WDR81: variants seen among roughly 807,000 people sequenced by gnomAD.
WDR81 encodes the protein WD repeat domain 81, also known as WD repeat-containing protein 81.
A neutral mutation model predicts 140.8 loss-of-function variants in WDR81; 92 were observed. The ratio of observed to expected loss-of-function variants is 0.65; its 90% CI spans 0.55 to 0.78. The LOEUF is 0.78. Ranked by LOEUF, WDR81 falls within the 30% of genes least tolerant of loss-of-function variation. The pLI, the probability that WDR81 is intolerant of heterozygous loss-of-function variation, is 0.00. For synonymous variants in WDR81, 1,183 were observed against 1,156.4 expected, an observed-to-expected ratio of 1.02 and a Z score of -0.47; for missense variants, 2,502 against 2,636.4, an observed-to-expected ratio of 0.95 and a Z score of 1.12.
Position 1,727,775 on chromosome 17 carries a change from T to G in WDR81, c.2816T>G (p.Val939Gly), listed in dbSNP as rs767912854. ...LSLMSEEHTA[V>G]YTAWYLFEPV... Reference sequence around the variant, plus strand: ...CTCATGTCCGAGGAGCACACAGCTGTGTACACGGCCTGGTATCTGTTTGAG... The same window carrying G: ...CTCATGTCCGAGGAGCACACAGCTGGGTACACGGCCTGGTATCTGTTTGAG... The change falls in exon 1 of 10, where the codon GTG becomes GGG. Residue 939 changes from valine to glycine, a missense_variant. By Grantham distance (109) the Val-to-Gly change is moderately radical. Transcript: ENST00000409644. 6.4e-7 allele frequency: 1 copy of G among 1,550,604 alleles called. No individual in the cohort carries two copies. Among genetic ancestry groups the G allele is most frequent in the African/African-American group, 1.4e-5 (1 of 73,052 alleles).
chr17:1,724,392 C>T (rs1460520929), upstream of WDR81: 7 of 808,796 alleles, frequency 8.7e-6, no homozygotes, highest in East Asian at 8.8e-4. Context: ...AGTCCCAGTT[C>T]TGCCCCTGGT....
chr17:1,737,810 T>A lies in WDR81; in HGVS notation c.*125T>A. 2 of 1,250,730 alleles carry A rather than the reference T, an allele frequency of 1.6e-6. No homozygotes were observed. The highest frequency in any genetic ancestry group is 1.6e-5 in the South Asian group (1 of 64,466). 77.5% of individuals were successfully genotyped at this position (1,250,730 alleles called of 1,614,324 possible). A position where few individuals can be genotyped will look rare whatever the true frequency, so the allele number is the denominator to read the frequency against. On this transcript the variant is annotated 3_prime_UTR_variant, in exon 10 of 10. Transcript: ENST00000409644. ...GGGTCCCACGCCCTGGGTGCCCACA[T>A]GGCCTGCCAACTAGGGCCTGCAAAT...
rs1286834083 is a variant in WDR81, at chr17:1,733,483, C to T, written c.4490-44C>T. On this transcript the variant is annotated intron_variant, in intron 6 of 9. Coordinates refer to ENST00000409644, the MANE Select transcript of WDR81 (RefSeq NM_001163809.2). ...GTCCTTGGATGGGTGATAGCAGCCG[C>T]CTGCCATCTTCCCTGTCTCAGGACC... 9.4e-6 allele frequency: 14 copies of T among 1,494,636 alleles called. No individual in the cohort carries two copies. In the East Asian group the frequency reaches 3.1e-4, roughly 33 times the overall value. 92.6% of individuals were successfully genotyped at this position (1,494,636 alleles called of 1,614,324 possible). A position where few individuals can be genotyped will look rare whatever the true frequency, so the allele number is the denominator to read the frequency against.
In WDR81 at chr17:1,727,355, G is replaced by T; in HGVS notation, c.2396G>T (p.Arg799Leu). ...TLQPDAPLWV[R>L]FQAVRGLCTR... ...CAGCCCGATGCACCTTTGTGGGTAC[G>T]CTTCCAGGCTGTCCGAGGGCTCTGC... Residue 799 changes from arginine (R) to leucine (L), a missense_variant, in exon 1 of 10, where the codon CGC becomes CTC. Physicochemically the swap from Arg to Leu is moderately radical, Grantham distance 102 (BLOSUM62 -2). Coordinates refer to ENST00000409644, the MANE Select transcript of WDR81 (RefSeq NM_001163809.2). 1 of 1,550,058 alleles carries T rather than the reference G, an allele frequency of 6.5e-7. No homozygotes were observed. The highest frequency in any genetic ancestry group is 8.7e-7 in the Non-Finnish European group (1 of 1,146,974).
rs138777722 is a variant in WDR81, at chr17:1,729,890, G to T, written c.3668-490G>T. On this transcript the variant is annotated intron_variant, in intron 1 of 9. Coordinates refer to ENST00000409644, the MANE Select transcript of WDR81 (RefSeq NM_001163809.2). The stretch of plus-strand genomic sequence containing the variant: ...GGCAGGAGAATCGCTTGAACCCGGA[G>T]GTTCAAGGAGGAGAGTCAGGGCGGT... 5.9e-5 allele frequency among the ~76,000 whole-genome samples: 9 copies of T among 151,988 alleles called. No individual in the cohort carries two copies. The East Asian group carries it at 1.7e-3, about 30-fold the overall frequency.
upstream of WDR81, among the ~76,000 whole-genome samples, chr17:1,722,115 C>T (rs996087775): frequency 2.0e-5 from 3 of 151,830 alleles, no homozygotes; most frequent in African/African-American, 7.3e-5. Flanking sequence ...AAGAGCGAAA[C>T]TCTGTCTTAA....
chr17:1,734,274 C>T (rs1445619089), intron 7 of WDR81, 58 bp downstream of exon 7: 1 of 1,469,416 alleles, frequency 6.8e-7, no homozygotes, highest in African/African-American at 1.4e-5. Flanking sequence ...ACCAGGCCTC[C>T]AGGAAGGGGG....
At chr17:1,717,304 G>T (rs1241738943) in intron 1 of WDR81, 1 of 152,566 alleles carries the variant, frequency 6.6e-6, no homozygotes, top group Admixed American at 6.5e-5. Context: ...GCTGCTGGTC[G>T]GCGTTTTTAA....
At chr17:1,724,607 G>A (rs1915080960), upstream of WDR81, 9 of 999,598 alleles carry the variant, frequency 9.0e-6, no homozygotes, top group Non-Finnish European at 1.1e-5. Flanking sequence ...GCGGGAGGGA[G>A]GGCGGGGAGG....
At position 1,735,959 on chromosome 17, in the gene WDR81, T is replaced by TG. The variant is rs1904826355; in HGVS notation, c.5326-77dup. The TG allele has an allele frequency of 1.3e-6, 2 of 1,513,510 alleles. No homozygotes were observed. The highest frequency in any genetic ancestry group is 2.3e-5 in the East Asian group (1 of 43,988). The allele number at this position is 1,513,510 out of a possible 1,614,324, so 93.8% of individuals were successfully genotyped here. On this transcript the variant is annotated intron_variant, in intron 8 of 9. Coordinates refer to ENST00000409644, the MANE Select transcript of WDR81 (RefSeq NM_001163809.2). This position sits in a 1 kb window ranked among gnomAD's most constrained non-coding sequence, Gnocchi z 4.2. ...CAGAGGCTCAGGCCTTCCTGCTGTG[T>TG]GGGCTTGGGTGGTGGGCAGGGCCTT... is the stretch of plus-strand genomic sequence containing the variant.
rs1415315757 is a variant in WDR81, at chr17:1,730,299, A to G, written c.3668-81A>G. On this transcript the variant is annotated intron_variant, in intron 1 of 9. Transcript: ENST00000409644. ...GCAGAGCTGCAGCCGCAGGTGGTTG[A>G]GTGGGGTGCCGTGGGGTGGGGTGGG... The G allele has an allele frequency of 4.0e-6, 4 of 1,008,672 alleles. No homozygotes were observed. The African/African-American group carries it at 8.3e-5, about 21-fold the overall frequency. 62.5% of individuals were successfully genotyped at this position (1,008,672 alleles called of 1,614,324 possible). A position where few individuals can be genotyped will look rare whatever the true frequency, so the allele number is the denominator to read the frequency against.
chr17:1,734,644 T>A (rs1028450042), intron 7 of WDR81, among the ~76,000 whole-genome samples: 1 of 151,926 alleles, frequency 6.6e-6, no homozygotes, highest in Non-Finnish European at 1.5e-5. Context: ...CCGGGCGTGG[T>A]GGCGGGTGCC....
chr17:1,716,913 C>A, intron 1 of WDR81: 1 of 549,696 alleles, frequency 1.8e-6, no homozygotes. Context: ...GCCCACTCCT[C>A]CTGGGGGCTC....
chr17:1,720,392 C>T (rs1292760537), upstream of WDR81, among the ~76,000 whole-genome samples: 1 of 152,232 alleles, frequency 6.6e-6, no homozygotes, highest in Admixed American at 6.5e-5. Flanking sequence ...CTTCTCAAGA[C>T]ATAGCCTGAA....
At chr17:1,731,730 C>T (rs935045380) in intron 4 of WDR81, among the ~76,000 whole-genome samples, 14 of 150,704 alleles carry the variant, frequency 9.3e-5, no homozygotes, top group Non-Finnish European at 1.8e-4. Context: ...GGTGAAACCC[C>T]GTCTCCACTA....
Position 1,730,411 on chromosome 17 carries a change from T to G in WDR81, c.3699T>G (p.Ser1233=). The part of the protein sequence containing the change: ...DTACKMVRWL[S]AKLGPTVASR... ...CCTGCAAGATGGTCCGCTGGCTGTC[T>G]GCCAAGCTCGGCCCCACAGTGGCCT... The change falls in exon 2 of 10, where the codon TCT becomes TCG. Residue 1233 remains serine, a synonymous_variant. Transcript: ENST00000409644. The G allele has an allele frequency of 6.2e-7, 1 of 1,613,120 alleles. No individual in the cohort carries two copies. The highest frequency in any genetic ancestry group is 1.1e-5 in the South Asian group (1 of 91,048).
chr17:1,718,285 T>G (rs1291743529), intron 1 of WDR81, among the ~76,000 whole-genome samples: 1 of 152,126 alleles, frequency 6.6e-6, no homozygotes, highest in Admixed American at 6.5e-5. Flanking sequence ...TCCCAGCTAA[T>G]TTTTGTATTT....
intron 1 of WDR81, among the ~76,000 whole-genome samples, chr17:1,719,559 A>AC (rs1555561238): frequency 7.9e-5 from 11 of 139,262 alleles, no homozygotes; most frequent in African/African-American, 2.6e-4. Context: ...AAAAAAAGAA[A>AC]AAAAAAAAAA....
chr17:1,730,679 C>T, intron 2 of WDR81, 76 bp from the exon 3 acceptor site: 1 of 1,503,642 alleles, frequency 6.7e-7, no homozygotes, highest in Non-Finnish European at 8.9e-7. Context: ...GCTCAAGCGG[C>T]CAGCACAGCC....
Sources: gnomAD v4.1 joint callset for allele counts (sites outside exome capture counted in the v4.1 genomes callset) on GRCh38, gnomAD v4.1.1 for gene constraint, Gnocchi (gnomAD v3.1) non-coding constraint, MANE v1.5 for transcripts, NCBI Gene and HGNC (gene_info 2026-07-23, HGNC 2026-07-21) for gene names.